Variants in TPO observed in about 807,000 individuals in gnomAD.
TPO encodes thyroid peroxidase.
TPO carries 78 observed loss-of-function variants against 96.9 expected under a neutral mutation model. That is an observed-to-expected ratio of 0.81 (90% CI 0.67 to 0.97). The LOEUF (loss-of-function observed/expected upper bound fraction) is 0.97, where lower values mean the gene tolerates loss of function less well. Among genes scored for constraint, TPO ranks in the 50% least tolerant of loss-of-function variants. TPO has a pLI of 0.00. For synonymous variants in TPO, 547 were observed against 538.0 expected, an observed-to-expected ratio of 1.02 and a Z score of -0.23; for missense variants, 1,252 against 1,274.8, an observed-to-expected ratio of 0.98 and a Z score of 0.27.
At chr2:1,510,165 A>AT (rs111808957) in intron 14 of TPO, among the ~76,000 whole-genome samples, 12,240 of 152,286 alleles carry the variant, frequency 0.08, 661 homozygotes, top group East Asian at 0.15. Flanking sequence ...TTGCATTCAG[A>AT]TTTTTAAATA....
At chr2:1,419,466 A>T (rs559606378) in intron 2 of TPO, among the ~76,000 whole-genome samples, 61 of 152,286 alleles carry the variant, frequency 4.0e-4, no homozygotes, top group African/African-American at 1.4e-3. Flanking sequence ...ATAAAGGAAA[A>T]GCCATCTGCC....
chr2:1,536,134 CCCA>C, intron 15 of TPO, among the ~76,000 whole-genome samples: 1 of 45,578 alleles, frequency 2.2e-5, no homozygotes, highest in African/African-American at 8.0e-5. Flanking sequence ...CCCCAAATCC[CCCA>C]ATCTATGCAA....
chr2:1,478,709 C>T (rs967996331), intron 8 of TPO, among the ~76,000 whole-genome samples: 4 of 152,254 alleles, frequency 2.6e-5, no homozygotes, highest in Admixed American at 2.6e-4. Flanking sequence ...TCCTAACACG[C>T]ATCCACACAG....
At position 1,416,561 on chromosome 2, in the gene TPO, G is replaced by A. The variant is rs564551132; in HGVS notation, c.94+2059G>A. Among the ~76,000 whole-genome samples the A allele has an allele frequency of 2.4e-4, 37 of 152,184 alleles. 1 individual carries two copies. The highest frequency in any genetic ancestry group is 5.8e-4 in the East Asian group (3 of 5,182). On this transcript the variant is annotated intron_variant, in intron 2 of 16. Coordinates refer to ENST00000329066, the MANE Select transcript of TPO (RefSeq NM_001206744.2). ...CATATCTGGGAGATTTGACCTTTTCGTTTTGCTTAAACTTTTGGTTGACAC... is the reference window on the plus strand; with the variant it reads ...CATATCTGGGAGATTTGACCTTTTCATTTTGCTTAAACTTTTGGTTGACAC...
intron 1 of TPO, among the ~76,000 whole-genome samples, chr2:1,400,585 A>AAG (rs1190763377): frequency 1.3e-5 from 2 of 148,772 alleles, no homozygotes; most frequent in South Asian, 2.1e-4. Flanking sequence ...AAAAAAAAAA[A>AAG]AAAGAAATAT....
intron 15 of TPO, among the ~76,000 whole-genome samples, chr2:1,534,255 A>C (rs1573629383): frequency 8.9e-6 from 1 of 111,758 alleles, no homozygotes; most frequent in Non-Finnish European, 1.8e-5. Flanking sequence ...CACTCAGAGC[A>C]ACCTTCTCAA....
intron 8 of TPO, among the ~76,000 whole-genome samples, chr2:1,484,394 C>T (rs944138994): frequency 6.6e-6 from 1 of 152,164 alleles, no homozygotes; most frequent in African/African-American, 2.4e-5. Flanking sequence ...CTCTAGTCAG[C>T]CCTATAAACG....
intron 1 of TPO, among the ~76,000 whole-genome samples, chr2:1,386,753 T>G (rs988470661): frequency 9.8e-4 from 150 of 152,298 alleles, no homozygotes; most frequent in Non-Finnish European, 1.9e-3. Context: ...ATCCTGTCAT[T>G]ATGATGTTAG....
At chr2:1,511,198 A>ACAGCCCTGCAGACTGGGGGTGCCACAGCG (rs1674075181) in intron 14 of TPO, among the ~76,000 whole-genome samples, 1 of 127,736 alleles carries the variant, frequency 7.8e-6, no homozygotes, top group Non-Finnish European at 1.7e-5. Flanking sequence ...GTGCCACAGC[A>ACAGCCCTGCAGACTGGGGGTGCCACAGCG]CAGCCCTGCA....
intron 7 of TPO, among the ~76,000 whole-genome samples, chr2:1,464,535 C>T (rs1482473638): frequency 6.6e-6 from 1 of 152,136 alleles, no homozygotes. Flanking sequence ...AAGTGTTGTT[C>T]CCTTTTCACC....
chr2:1,385,645 C>G (rs1421757931), intron 1 of TPO, among the ~76,000 whole-genome samples: 1 of 150,308 alleles, frequency 6.7e-6, no homozygotes, highest in South Asian at 2.1e-4. Context: ...TTTTGTTGAT[C>G]TTTTCAAAAA....
chr2:1,443,884 A>G (rs553402209), intron 5 of TPO, among the ~76,000 whole-genome samples: 1 of 115,470 alleles, frequency 8.7e-6, no homozygotes, highest in African/African-American at 3.5e-5. Flanking sequence ...AGGAGGCACC[A>G]TGTTGGAAGG....
At chr2:1,479,182 C>A (rs1049691476) in intron 8 of TPO, among the ~76,000 whole-genome samples, 12 of 152,346 alleles carry the variant, frequency 7.9e-5, no homozygotes, top group Admixed American at 7.2e-4. Flanking sequence ...GTCTGGACTT[C>A]CGGCCACACG....
chr2:1,542,729 A>G lies in TPO; in HGVS notation c.*255A>G, dbSNP rs555115998. On this transcript the variant is annotated 3_prime_UTR_variant, in exon 17 of 17. Coordinates refer to ENST00000329066, the MANE Select transcript of TPO (RefSeq NM_001206744.2). ...CCATTAAAATGTATTTACAGATTAC[A>G]CATCTTTATTTTGTGAACCCTGGAA... 9.5e-5 allele frequency: 103 copies of G among 1,085,314 alleles called. No individual in the cohort carries two copies. In the African/African-American group the frequency reaches 1.6e-3, roughly 16 times the overall value. 67.2% of individuals were successfully genotyped at this position (1,085,314 alleles called of 1,614,324 possible).
intron 9 of TPO, among the ~76,000 whole-genome samples, chr2:1,486,476 C>T (rs1201984115): frequency 1.4e-5 from 2 of 148,016 alleles, no homozygotes; most frequent in African/African-American, 5.0e-5. Flanking sequence ...GCAGAGGGTG[C>T]AGGTGAGCCG....
chr2:1,399,389 C>T (rs533028484), intron 1 of TPO, among the ~76,000 whole-genome samples: 2 of 152,340 alleles, frequency 1.3e-5, no homozygotes, highest in Admixed American at 6.5e-5. Context: ...CAGTGGACAC[C>T]TGAAGCCATG....
intron 11 of TPO, among the ~76,000 whole-genome samples, 161 bp downstream of exon 11, chr2:1,494,200 C>T (rs925162779): frequency 2.0e-5 from 3 of 152,202 alleles, no homozygotes; most frequent in African/African-American, 7.2e-5. Context: ...GCTTCTTTAA[C>T]CTAGAACAGT....
intron 3 of TPO, among the ~76,000 whole-genome samples, chr2:1,431,010 C>T (rs1301030829): frequency 6.6e-6 from 1 of 152,090 alleles, no homozygotes; most frequent in Admixed American, 6.5e-5. Flanking sequence ...TGCGAATGCG[C>T]AATTGTATTT....
intron 1 of TPO, among the ~76,000 whole-genome samples, chr2:1,394,264 A>G (rs1357228761): frequency 6.6e-6 from 1 of 152,192 alleles, no homozygotes; most frequent in Non-Finnish European, 1.5e-5. Context: ...CATTTCAGCT[A>G]TTTTTTCCTG....
Sources: gnomAD v4.1 joint callset for allele counts (sites outside exome capture counted in the v4.1 genomes callset) on GRCh38, gnomAD v4.1.1 for gene constraint, MANE v1.5 for transcripts, NCBI Gene and HGNC (gene_info 2026-07-23, HGNC 2026-07-21) for gene names.